The following NBEA variants were observed in gnomAD, a reference collection of about 807,000 sequenced individuals.
The protein encoded by NBEA is lysosomal-trafficking regulator 2.
NBEA carries 44 observed loss-of-function variants against 343.4 expected under a neutral mutation model. The observed-to-expected ratio is 0.13, with a 90% CI of 0.10 to 0.16. The LOEUF (loss-of-function observed/expected upper bound fraction) is 0.16, where lower values mean the gene tolerates loss of function less well. NBEA is among the 10% of genes least tolerant of loss of function. The pLI, the probability that NBEA is intolerant of heterozygous loss-of-function variation, is 1.00. For missense variants in NBEA, 2,555 were observed against 3,631.3 expected, an observed-to-expected ratio of 0.70 and a Z score of 7.62; for synonymous variants, 1,175 against 1,238.7, an observed-to-expected ratio of 0.95 and a Z score of 1.08.
chr13:35,402,444 G>A (rs892258353), intron 38 of NBEA, among the ~76,000 whole-genome samples: 1 of 151,936 alleles, frequency 6.6e-6, no homozygotes, highest in Non-Finnish European at 1.5e-5. Flanking sequence ...TCTTTTTCTT[G>A]TTCTTTTATT....
Position 35,150,725 on chromosome 13 carries a change from CT to C in NBEA, c.2446-5048del, listed in dbSNP as rs549210519. Among the ~76,000 whole-genome samples the C allele has an allele frequency of 1.9e-3, 288 of 152,048 alleles. 2 individuals carry two copies. The highest frequency in any genetic ancestry group is 6.8e-3 in the African/African-American group (281 of 41,406). On this transcript the variant is annotated intron_variant, in intron 18 of 58. Coordinates refer to ENST00000379939, the MANE Select transcript of NBEA (RefSeq NM_001385012.1). ...TGCATCAGAATAAATATTACTACAACTCTACGAATGTGTAAGATTAAGTGCA... is the reference window on the plus strand; with the variant it reads ...TGCATCAGAATAAATATTACTACAACCTACGAATGTGTAAGATTAAGTGCA...
At chr13:35,027,242 C>T (rs375160379) in intron 1 of NBEA, among the ~76,000 whole-genome samples, 5 of 152,124 alleles carry the variant, frequency 3.3e-5, no homozygotes, top group South Asian at 2.1e-4. Flanking sequence ...GCTATGTTTC[C>T]GTTTCCCTAG....
chr13:35,159,667 C>A lies in NBEA; in HGVS notation c.3496C>A (p.His1166Asn). ...EKLLPELSSN[H>N]IIPNIQDTQV... ...ACTACTTCCTGAACTTTCTAGCAAT[C>A]ACATTATTCCAAATATTCAGGACAC... The change falls in exon 22 of 59, where the codon CAC becomes AAC. Residue 1166 changes from histidine to asparagine, a missense_variant. Physicochemically the swap from His to Asn is moderately conservative, Grantham distance 68. Around this residue, in one of 21 missense-constraint regions of NBEA, gnomAD observed 367 missense variants for 377.5 expected, o/e 0.97. Transcript: ENST00000379939. 6.2e-7 allele frequency: 1 copy of A among 1,611,596 alleles called. No homozygotes were observed. The highest frequency in any genetic ancestry group is 1.1e-5 in the South Asian group (1 of 90,780).
chr13:35,151,210 T>C (rs2068763262), intron 18 of NBEA, among the ~76,000 whole-genome samples: 1 of 151,964 alleles, frequency 6.6e-6, no homozygotes, highest in Admixed American at 6.6e-5. Flanking sequence ...TTTGAAACTT[T>C]TAAGTTTGAT....
chr13:35,098,048 T>C (rs901899928), intron 10 of NBEA, among the ~76,000 whole-genome samples: 2 of 152,118 alleles, frequency 1.3e-5, no homozygotes, highest in African/African-American at 4.8e-5. Flanking sequence ...ATGTTTTACT[T>C]TGGAATGTAA....
chr13:35,522,033 G>A (rs1054162409), intron 41 of NBEA, among the ~76,000 whole-genome samples: 1 of 152,158 alleles, frequency 6.6e-6, no homozygotes. Flanking sequence ...AGAAGGAACA[G>A]TGAGTGCAAA....
chr13:35,585,101 G>A (rs2081238669), intron 46 of NBEA, among the ~76,000 whole-genome samples: 1 of 113,924 alleles, frequency 8.8e-6, no homozygotes, highest in Admixed American at 1.2e-4. Context: ...TTTCTCCTAG[G>A]ACATAAATAT....
intron 47 of NBEA, among the ~76,000 whole-genome samples, chr13:35,597,795 C>T (rs1039448955): frequency 2.0e-5 from 3 of 152,114 alleles, no homozygotes; most frequent in African/African-American, 4.8e-5. Flanking sequence ...GAAGTCACAT[C>T]ATGTTACTTC....
At chr13:35,476,790 A>G (rs768436218) in intron 41 of NBEA, 17 of 1,031,086 alleles carry the variant, frequency 1.6e-5, no homozygotes, top group Non-Finnish European at 1.9e-5. Flanking sequence ...TTCAGCTCCA[A>G]CCCGGCTAAT....
At chr13:35,414,554 A>T (rs1374086465) in intron 38 of NBEA, among the ~76,000 whole-genome samples, 1 of 152,188 alleles carries the variant, frequency 6.6e-6, no homozygotes, top group Non-Finnish European at 1.5e-5. Context: ...TACAAAGGAC[A>T]TGAACTCATC....
intron 17 of NBEA, among the ~76,000 whole-genome samples, chr13:35,127,176 A>G (rs2067178989): frequency 6.6e-6 from 1 of 152,170 alleles, no homozygotes; most frequent in South Asian, 2.1e-4. Context: ...GAGAAAAATG[A>G]GTCTGGCTTT....
chr13:35,408,991 C>G (rs1180123879), intron 38 of NBEA, among the ~76,000 whole-genome samples: 3 of 152,146 alleles, frequency 2.0e-5, no homozygotes, highest in African/African-American at 7.2e-5. Flanking sequence ...AATCCCATTA[C>G]TGGGTATATA....
intron 41 of NBEA, among the ~76,000 whole-genome samples, chr13:35,496,844 G>C (rs752171373): frequency 1.3e-5 from 2 of 151,784 alleles, no homozygotes; most frequent in Non-Finnish European, 2.9e-5. Context: ...TATTGAATCA[G>C]GACATCTCAT....
chr13:35,135,679 G>A (rs1251015886), intron 17 of NBEA, among the ~76,000 whole-genome samples: 3 of 151,910 alleles, frequency 2.0e-5, no homozygotes, highest in Non-Finnish European at 2.9e-5. Flanking sequence ...AGTATTTATT[G>A]TAATAAGTCT....
chr13:35,544,764 G>A (rs1464928049), intron 41 of NBEA, among the ~76,000 whole-genome samples: 1 of 152,064 alleles, frequency 6.6e-6, no homozygotes, highest in Non-Finnish European at 1.5e-5. Flanking sequence ...ATAGTTCAGT[G>A]GTCACTTAAG....
chr13:35,483,223 G>A (rs1288559850), intron 41 of NBEA, among the ~76,000 whole-genome samples: 1 of 151,870 alleles, frequency 6.6e-6, no homozygotes, highest in Non-Finnish European at 1.5e-5. Flanking sequence ...GAATATATGT[G>A]TTAGATTTAT....
chr13:35,414,359 T>A (rs1440079127), intron 38 of NBEA, among the ~76,000 whole-genome samples: 1 of 152,082 alleles, frequency 6.6e-6, no homozygotes, highest in Non-Finnish European at 1.5e-5. Flanking sequence ...TAGGTATATC[T>A]CCTAATGCTA....
At chr13:35,522,052 G>T (rs2077740985) in intron 41 of NBEA, among the ~76,000 whole-genome samples, 1 of 152,138 alleles carries the variant, frequency 6.6e-6, no homozygotes, top group Admixed American at 6.5e-5. Flanking sequence ...AAAGTACAGA[G>T]AGGCGAACCA....
chr13:35,171,495 C>CA, intron 26 of NBEA, 43 bp downstream of exon 26: 1 of 1,521,208 alleles, frequency 6.6e-7, no homozygotes, highest in South Asian at 1.2e-5. Context: ...TAATTATCTA[C>CA]AGAGCAGCTT....
Sources: allele counts gnomAD v4.1 joint callset (sites outside exome capture counted in the v4.1 genomes callset), GRCh38; gene constraint gnomAD v4.1.1; regional missense constraint gnomAD v4.1.1; transcripts MANE v1.5; gene names NCBI Gene and HGNC (gene_info 2026-07-23, HGNC 2026-07-21).